The following EPHA6 variants were observed in gnomAD, a reference collection of about 807,000 sequenced individuals.
The protein encoded by EPHA6 is ephrin type-A receptor 6.
In EPHA6, 50 loss-of-function variants were observed where a neutral mutation model predicts 112.0. That is an observed-to-expected ratio of 0.45 (90% CI 0.36 to 0.56). The LOEUF is 0.56. Among genes scored for constraint, EPHA6 ranks in the 20% least tolerant of loss-of-function variants. EPHA6 has a pLI of 0.00. For synonymous variants in EPHA6, 529 were observed against 490.7 expected, an observed-to-expected ratio of 1.08 and a Z score of -1.03; for missense variants, 1,280 against 1,417.4, an observed-to-expected ratio of 0.90 and a Z score of 1.56.
At chr3:97,654,027 A>T (rs1332109981) in intron 14 of EPHA6, among the ~76,000 whole-genome samples, 1 of 151,930 alleles carries the variant, frequency 6.6e-6, no homozygotes, top group East Asian at 1.9e-4. Context: ...ACTAAGTTTT[A>T]GTTAGGATGA....
chr3:97,644,153 T>C (rs983181464), intron 14 of EPHA6, among the ~76,000 whole-genome samples: 2 of 151,992 alleles, frequency 1.3e-5, no homozygotes, highest in African/African-American at 2.4e-5. Context: ...ACCGCTCAAC[T>C]ACATGGAAAC....
chr3:97,277,673 A>G (rs2080138551), intron 5 of EPHA6, among the ~76,000 whole-genome samples: 1 of 152,200 alleles, frequency 6.6e-6, no homozygotes, highest in African/African-American at 2.4e-5. Context: ...ATACTTATAT[A>G]TCTAAACATA....
chr3:97,409,935 T>G (rs554065441), intron 6 of EPHA6, among the ~76,000 whole-genome samples: 50 of 152,198 alleles, frequency 3.3e-4, no homozygotes, highest in African/African-American at 1.2e-3. Context: ...TTTCACCTAG[T>G]TCACAGATTA....
chr3:97,426,564 A>G lies in EPHA6; in HGVS notation c.1731+21290A>G, dbSNP rs578237624. ...AAAATAAACTCAAGATGAATTAAAGACTTAAATATAAAACCAAAAACTATA... is the reference window on the plus strand; with the variant it reads ...AAAATAAACTCAAGATGAATTAAAGGCTTAAATATAAAACCAAAAACTATA... On this transcript the variant is annotated intron_variant, in intron 6 of 17. Transcript: ENST00000389672. Among the ~76,000 whole-genome samples, 5 of 152,326 alleles carry G rather than the reference A, an allele frequency of 3.3e-5. No homozygotes were observed. The East Asian group carries it at 9.6e-4, about 29-fold the overall frequency.
At chr3:97,544,999 C>T (rs1201691736) in intron 11 of EPHA6, among the ~76,000 whole-genome samples, 5 of 152,046 alleles carry the variant, frequency 3.3e-5, no homozygotes, top group Non-Finnish European at 7.4e-5. Context: ...TTTTGTTGAT[C>T]CTTTCAAAAA....
At chr3:97,608,915 C>T (rs2093698699) in intron 12 of EPHA6, among the ~76,000 whole-genome samples, 1 of 151,328 alleles carries the variant, frequency 6.6e-6, no homozygotes, top group Non-Finnish European at 1.5e-5. Flanking sequence ...CTACTTGATA[C>T]TGCCACTTAC....
At chr3:97,000,517 C>G (rs1216256772) in intron 3 of EPHA6, among the ~76,000 whole-genome samples, 1 of 151,706 alleles carries the variant, frequency 6.6e-6, no homozygotes, top group Non-Finnish European at 1.5e-5. Context: ...TGAGGGCTTT[C>G]CATCATACAC....
chr3:97,697,120 C>T (rs2107725156), intron 14 of EPHA6, among the ~76,000 whole-genome samples: 1 of 152,308 alleles, frequency 6.6e-6, no homozygotes, highest in South Asian at 2.1e-4. Context: ...CCTATTACAG[C>T]TCCTCACTGA....
chr3:97,584,426 G>A (rs990834914), intron 11 of EPHA6, among the ~76,000 whole-genome samples: 3 of 152,158 alleles, frequency 2.0e-5, no homozygotes, highest in Non-Finnish European at 4.4e-5. Flanking sequence ...AAAAACATTT[G>A]AGTTCATTGC....
intron 14 of EPHA6, among the ~76,000 whole-genome samples, chr3:97,643,479 T>G (rs1272348443): frequency 6.7e-6 from 1 of 150,210 alleles, no homozygotes; most frequent in Non-Finnish European, 1.5e-5. Flanking sequence ...ATGCTCCAAT[T>G]AAAAGACACA....
chr3:97,011,873 A>T (rs1395895572), intron 3 of EPHA6, among the ~76,000 whole-genome samples: 2 of 152,090 alleles, frequency 1.3e-5, no homozygotes, highest in African/African-American at 4.8e-5. Flanking sequence ...TTTAACTCCC[A>T]CTTATAAGTG....
intron 5 of EPHA6, among the ~76,000 whole-genome samples, chr3:97,265,462 A>G (rs1377226280): frequency 2.0e-5 from 3 of 152,204 alleles, no homozygotes; most frequent in South Asian, 2.1e-4. Context: ...CACTGCCCCA[A>G]GCAGGCACAT....
intron 5 of EPHA6, among the ~76,000 whole-genome samples, chr3:97,347,886 C>G (rs1476361986): frequency 6.6e-6 from 1 of 152,014 alleles, no homozygotes; most frequent in Non-Finnish European, 1.5e-5. Flanking sequence ...AGCCATATAT[C>G]AACACATCTT....
intron 11 of EPHA6, among the ~76,000 whole-genome samples, chr3:97,536,383 G>C (rs1332418915): frequency 6.6e-6 from 1 of 152,114 alleles, no homozygotes; most frequent in African/African-American, 2.4e-5. Context: ...CTACCTCCCA[G>C]CTTAGACAGC....
chr3:96,924,667 A>G (rs548651717), intron 2 of EPHA6, among the ~76,000 whole-genome samples: 2 of 152,180 alleles, frequency 1.3e-5, no homozygotes, highest in Non-Finnish European at 2.9e-5. Flanking sequence ...AACTTCCAGT[A>G]CTATGTAGAA....
intron 3 of EPHA6, among the ~76,000 whole-genome samples, chr3:97,051,992 T>C (rs2045698856): frequency 1.3e-5 from 2 of 152,170 alleles, no homozygotes; most frequent in African/African-American, 4.8e-5. Flanking sequence ...ATGTTTAATA[T>C]GTATTTCGTT....
intron 5 of EPHA6, among the ~76,000 whole-genome samples, chr3:97,402,164 G>C (rs1276686185): frequency 1.3e-5 from 2 of 151,960 alleles, no homozygotes; most frequent in Non-Finnish European, 2.9e-5. Context: ...CTATTAGTTA[G>C]GTCCATTTGG....
intron 3 of EPHA6, among the ~76,000 whole-genome samples, chr3:97,214,798 T>C (rs2077987948): frequency 6.6e-6 from 1 of 152,202 alleles, no homozygotes; most frequent in Non-Finnish European, 1.5e-5. Flanking sequence ...TATGAGGTTA[T>C]TCAGAAGAAA....
intron 3 of EPHA6, among the ~76,000 whole-genome samples, chr3:97,048,870 G>A (rs1259671687): frequency 6.6e-6 from 1 of 152,146 alleles, no homozygotes; most frequent in African/African-American, 2.4e-5. Context: ...GCAATGAAGA[G>A]AGAATAGGAA....
Sources: allele counts gnomAD v4.1 joint callset (sites outside exome capture counted in the v4.1 genomes callset), GRCh38; gene constraint gnomAD v4.1.1; transcripts MANE v1.5; gene names NCBI Gene and HGNC (gene_info 2026-07-23, HGNC 2026-07-21).